MED12L: variants seen among roughly 807,000 people sequenced by gnomAD.
MED12L encodes the protein mediator complex subunit 12L.
MED12L carries 60 observed loss-of-function variants against 281.3 expected under a neutral mutation model. The observed-to-expected ratio is 0.21, with a 90% confidence interval of 0.17 to 0.26. The LOEUF (loss-of-function observed/expected upper bound fraction) is 0.26, where lower values mean the gene tolerates loss of function less well. MED12L is among the 10% of genes least tolerant of loss of function. MED12L has a pLI of 1.00. For missense variants in MED12L, 2,146 were observed against 2,680.9 expected (o/e 0.80, Z 4.41); for synonymous variants, 974 against 987.2 (o/e 0.99, Z 0.25).
At chr3:151,169,382 A>G (rs1300273323) in intron 11 of MED12L, among the ~76,000 whole-genome samples, 1 of 151,870 alleles carries the variant, frequency 6.6e-6, no homozygotes, top group Non-Finnish European at 1.5e-5. Flanking sequence ...TGGCCTCCTA[A>G]AGTGCTGGGA....
intron 5 of MED12L, among the ~76,000 whole-genome samples, chr3:151,142,970 G>A (rs1335469569): frequency 2.0e-5 from 3 of 152,112 alleles, no homozygotes; most frequent in Non-Finnish European, 2.9e-5. Flanking sequence ...AGGGTATGCC[G>A]GGTAGAAAAC....
intron 5 of MED12L, among the ~76,000 whole-genome samples, chr3:151,138,851 C>G (rs1271541816): frequency 2.0e-5 from 3 of 152,166 alleles, no homozygotes; most frequent in Non-Finnish European, 4.4e-5. Flanking sequence ...TCCCTTTCCA[C>G]ACTTTACTCT....
At chr3:151,389,640 C>T (rs1336094006) in intron 37 of MED12L, among the ~76,000 whole-genome samples, 2 of 152,196 alleles carry the variant, frequency 1.3e-5, no homozygotes, top group East Asian at 3.9e-4. Context: ...ATGAAATGAT[C>T]ATGAGTCTTA....
chr3:151,206,435 T>C (rs1413334699), intron 16 of MED12L, among the ~76,000 whole-genome samples: 2 of 152,008 alleles, frequency 1.3e-5, no homozygotes, highest in African/African-American at 4.8e-5. Context: ...GTTGATGTTA[T>C]TGCGTCAACA....
At chr3:151,190,090 C>G (rs1723775245) in intron 13 of MED12L, among the ~76,000 whole-genome samples, 2 of 152,132 alleles carry the variant, frequency 1.3e-5, no homozygotes, top group South Asian at 4.2e-4. Flanking sequence ...CAGAGGACGG[C>G]AGTCTAGTCC....
chr3:151,165,181 C>T (rs776098401), intron 9 of MED12L, among the ~76,000 whole-genome samples: 5 of 152,106 alleles, frequency 3.3e-5, no homozygotes, highest in African/African-American at 7.2e-5. Context: ...AAATTTCACT[C>T]GTAAAACAAA....
chr3:151,281,854 A>G (rs1742859945), intron 16 of MED12L, among the ~76,000 whole-genome samples: 1 of 152,212 alleles, frequency 6.6e-6, no homozygotes, highest in South Asian at 2.1e-4. Flanking sequence ...TTGTGTATTC[A>G]TACTACAAAT....
chr3:151,203,401 A>G (rs1188424949), intron 16 of MED12L, among the ~76,000 whole-genome samples: 2 of 148,008 alleles, frequency 1.4e-5, no homozygotes, highest in South Asian at 2.1e-4. Context: ...ATCTTCATTT[A>G]GTACCTAGCC....
intron 16 of MED12L, among the ~76,000 whole-genome samples, chr3:151,307,745 G>A (rs554721867): frequency 6.6e-6 from 1 of 152,268 alleles, no homozygotes; most frequent in African/African-American, 2.4e-5. Context: ...ATACCACACA[G>A]ATGGTGAGAG....
chr3:151,164,610 C>A (rs1251402390), intron 9 of MED12L, among the ~76,000 whole-genome samples: 1 of 152,160 alleles, frequency 6.6e-6, no homozygotes, highest in African/African-American at 2.4e-5. Flanking sequence ...AAATGTCCAA[C>A]AATGATTGAC....
chr3:151,294,147 A>T, intron 16 of MED12L: 1 of 1,364,684 alleles, frequency 7.3e-7, no homozygotes, highest in Non-Finnish European at 1.0e-6. Context: ...GTACATATCG[A>T]TTCCAACAAA....
chr3:151,273,227 C>CTTT (rs63035061), intron 16 of MED12L, among the ~76,000 whole-genome samples: 79 of 106,136 alleles, frequency 7.4e-4, no homozygotes, highest in Non-Finnish European at 9.0e-4. Flanking sequence ...TTGTTGTGTT[C>CTTT]TTTTTTTTTT....
intron 5 of MED12L, among the ~76,000 whole-genome samples, chr3:151,144,782 T>C (rs766684722): frequency 1.3e-5 from 2 of 152,192 alleles, no homozygotes; most frequent in Non-Finnish European, 2.9e-5. Context: ...CCCCACCACC[T>C]GTCCCAGGAA....
chr3:151,133,458 T>C (rs1341144940), intron 5 of MED12L, among the ~76,000 whole-genome samples: 1 of 152,216 alleles, frequency 6.6e-6, no homozygotes, highest in Non-Finnish European at 1.5e-5. Context: ...CTTGGGTTTC[T>C]GAGTGAGGTC....
chr3:151,249,888 G>A (rs1736495289), intron 16 of MED12L, among the ~76,000 whole-genome samples: 1 of 152,098 alleles, frequency 6.6e-6, no homozygotes, highest in Non-Finnish European at 1.5e-5. Context: ...CCGTCTACTT[G>A]AATTCATCCA....
intron 16 of MED12L, among the ~76,000 whole-genome samples, chr3:151,280,002 C>T (rs2149607805): frequency 6.6e-6 from 1 of 151,346 alleles, no homozygotes; most frequent in Middle Eastern, 3.4e-3. Flanking sequence ...CTTGACTTCC[C>T]CGTGGGGTGT....
chr3:151,252,239 C>T (rs1005315338), intron 16 of MED12L, among the ~76,000 whole-genome samples: 9 of 152,138 alleles, frequency 5.9e-5, no homozygotes, highest in African/African-American at 2.2e-4. Context: ...TTATTAGTAA[C>T]CTTCTGTATT....
At chr3:151,181,442 G>C (rs2149054691) in intron 11 of MED12L, among the ~76,000 whole-genome samples, 1 of 151,284 alleles carries the variant, frequency 6.6e-6, no homozygotes, top group South Asian at 2.1e-4. Context: ...TAAGACACAG[G>C]GTCTGGCTCT....
At chr3:151,144,663 G>GC (rs1717526469) in intron 5 of MED12L, among the ~76,000 whole-genome samples, 1 of 152,228 alleles carries the variant, frequency 6.6e-6, no homozygotes, top group South Asian at 2.1e-4. Context: ...CTGGGGTACT[G>GC]CCCCCCTTCC....
Sources: gnomAD v4.1 joint callset for allele counts (sites outside exome capture counted in the v4.1 genomes callset) on GRCh38, gnomAD v4.1.1 for gene constraint, MANE v1.5 for transcripts, NCBI Gene and HGNC (gene_info 2026-07-23, HGNC 2026-07-21) for gene names.